CCDC192: variants seen among roughly 807,000 people sequenced by gnomAD.
The protein encoded by CCDC192 is coiled-coil domain containing 192, also known as coiled-coil domain-containing protein 192.
chr5:127,911,094 G>A (rs764748563), intron 6 of CCDC192, among the ~76,000 whole-genome samples: 7 of 152,126 alleles, frequency 4.6e-5, no homozygotes, highest in Non-Finnish European at 1.0e-4. Context: ...GCCCATCACG[G>A]TCAGTCCAAT....
intron 2 of CCDC192, among the ~76,000 whole-genome samples, chr5:127,742,964 T>A (rs543919174): frequency 6.6e-6 from 1 of 152,262 alleles, no homozygotes; most frequent in South Asian, 2.1e-4. Context: ...GCTGAGGTTT[T>A]TTTGTTTCCT....
At chr5:127,815,880 A>AAT (rs1554077866) in intron 5 of CCDC192, among the ~76,000 whole-genome samples, 29 of 152,184 alleles carry the variant, frequency 1.9e-4, no homozygotes, top group African/African-American at 7.0e-4. Context: ...AAAAAAAATA[A>AAT]AAATAAAAGA....
At chr5:127,861,297 C>T (rs1160552731) in intron 5 of CCDC192, among the ~76,000 whole-genome samples, 2 of 151,178 alleles carry the variant, frequency 1.3e-5, no homozygotes, top group African/African-American at 4.9e-5. Context: ...CATGAGCCAC[C>T]GTGCCTGGCC....
intron 3 of CCDC192, among the ~76,000 whole-genome samples, chr5:127,762,490 GA>G (rs1017620725): frequency 1.1e-4 from 16 of 152,202 alleles, no homozygotes; most frequent in African/African-American, 3.4e-4. Context: ...AGAATGCAAG[GA>G]AAAAAATAGA....
chr5:127,839,965 A>C (rs887091346), intron 5 of CCDC192, among the ~76,000 whole-genome samples: 2 of 152,234 alleles, frequency 1.3e-5, no homozygotes, highest in Non-Finnish European at 2.9e-5. Context: ...TGAGAATTAA[A>C]TAAAACAATC....
At chr5:127,871,741 C>T (rs1751870553) in intron 5 of CCDC192, among the ~76,000 whole-genome samples, 1 of 152,210 alleles carries the variant, frequency 6.6e-6, no homozygotes, top group Non-Finnish European at 1.5e-5. Context: ...TTCTAATTCT[C>T]ATTAACTTGG....
intron 3 of CCDC192, among the ~76,000 whole-genome samples, chr5:127,789,149 A>G (rs1355833686): frequency 1.3e-5 from 2 of 152,214 alleles, no homozygotes; most frequent in Non-Finnish European, 2.9e-5. Context: ...AGAAGTCTGA[A>G]CTGACTAAAA....
intron 6 of CCDC192, 91 bp downstream of exon 6, chr5:127,875,752 A>G (rs768272541): frequency 5.1e-5 from 20 of 395,924 alleles, no homozygotes; most frequent in Non-Finnish European, 8.5e-5. Flanking sequence ...AAACGAGGCT[A>G]CAGGCCTGGT....
intron 6 of CCDC192, among the ~76,000 whole-genome samples, chr5:127,926,636 G>C (rs904803109): frequency 6.6e-6 from 1 of 152,154 alleles, no homozygotes; most frequent in Non-Finnish European, 1.5e-5. Flanking sequence ...CTGGGTATGA[G>C]ATAAGCTTCA....
At chr5:127,799,368 G>T (rs78744704) in intron 5 of CCDC192, among the ~76,000 whole-genome samples, 2,430 of 152,214 alleles carry the variant, frequency 0.016, 30 homozygotes, top group African/African-American at 0.036. Context: ...ATGTTCAATT[G>T]TCCAATATTG....
chr5:127,724,050 T>C (rs911168481), intron 2 of CCDC192, among the ~76,000 whole-genome samples: 1 of 152,202 alleles, frequency 6.6e-6, no homozygotes, highest in African/African-American at 2.4e-5. Context: ...GTTGATTGAA[T>C]GAGGTTATGC....
intron 6 of CCDC192, among the ~76,000 whole-genome samples, chr5:127,880,232 GA>G (rs1350708490): frequency 2.6e-5 from 4 of 151,646 alleles, no homozygotes; most frequent in Non-Finnish European, 5.9e-5. Context: ...ACTGGATTAA[GA>G]AAATGTGGCA....
chr5:127,716,131 G>A (rs750819734), intron 2 of CCDC192, among the ~76,000 whole-genome samples: 4 of 150,536 alleles, frequency 2.7e-5, no homozygotes, highest in Non-Finnish European at 5.9e-5. Context: ...CTTTTTTTTT[G>A]CATCTGTTGA....
chr5:127,845,274 A>G (rs994973654), intron 5 of CCDC192, among the ~76,000 whole-genome samples: 1 of 152,158 alleles, frequency 6.6e-6, no homozygotes, highest in Admixed American at 6.5e-5. Context: ...GCTAGTAGGA[A>G]TAGTGAGAGT....
intron 5 of CCDC192, among the ~76,000 whole-genome samples, chr5:127,828,182 T>C (rs964932775): frequency 6.6e-6 from 1 of 152,180 alleles, no homozygotes; most frequent in Non-Finnish European, 1.5e-5. Context: ...GCTGAGATTA[T>C]AGGCATGAGC....
At chr5:127,704,962 G>A (rs897417024) in intron 1 of CCDC192, among the ~76,000 whole-genome samples, 3 of 151,808 alleles carry the variant, frequency 2.0e-5, no homozygotes, top group Admixed American at 6.6e-5. Flanking sequence ...TTTAGAAAGC[G>A]GAAAGACATT....
At chr5:127,867,450 T>C (rs775367141) in intron 5 of CCDC192, among the ~76,000 whole-genome samples, 2 of 152,238 alleles carry the variant, frequency 1.3e-5, no homozygotes, top group African/African-American at 2.4e-5. Context: ...CCTCTCTGGT[T>C]TCTGTGCTCT....
At chr5:127,844,632 G>C (rs1442678508) in intron 5 of CCDC192, among the ~76,000 whole-genome samples, 2 of 152,178 alleles carry the variant, frequency 1.3e-5, no homozygotes, top group Admixed American at 1.3e-4. Context: ...AGAGACAAAG[G>C]GTGAGGAGAC....
intron 2 of CCDC192, among the ~76,000 whole-genome samples, chr5:127,735,747 A>G (rs1462855980): frequency 2.1e-3 from 249 of 116,140 alleles, no homozygotes; most frequent in South Asian, 3.0e-3. Flanking sequence ...GTTGGTGTAT[A>G]AGAATGCTTG....
Sources: gnomAD v4.1 joint callset for allele counts (sites outside exome capture counted in the v4.1 genomes callset) on GRCh38, gnomAD v4.1.1 for gene constraint, MANE v1.5 for transcripts, NCBI Gene and HGNC (gene_info 2026-07-23, HGNC 2026-07-21) for gene names.